USP35: variants seen among roughly 807,000 people sequenced by gnomAD.
USP35 encodes ubiquitin carboxyl-terminal hydrolase 35.
A neutral mutation model predicts 83.8 loss-of-function variants in USP35; 69 were observed. The observed-to-expected ratio is 0.82, with a 90% CI of 0.68 to 1.01. USP35 has a LOEUF of 1.01. USP35 is among the 50% of genes least tolerant of loss of function. The probability of loss-of-function intolerance (pLI) is 0.00; values close to 1 mark genes in which losing one functional copy is unlikely to be tolerated. For synonymous variants in USP35, 714 were observed against 589.5 expected (o/e 1.21, Z -3.06); for missense variants, 1,503 against 1,362.5 (o/e 1.10, Z -1.62).
rs1461272149 is a variant in USP35, at chr11:78,199,559, C to T, written c.807-36C>T. 3.1e-6 allele frequency: 5 copies of T among 1,613,710 alleles called. No homozygotes were observed. In the Admixed American group the frequency reaches 5.0e-5, roughly 16 times the overall value. ...GCCCTCACCCCAGCATTTTGGGTGT[C>T]CCTTGTCCCTGTGTCACTGTCACTC... On this transcript the variant is annotated intron_variant, in intron 3 of 10. Transcript: ENST00000529308.
chr11:78,227,791 C>A, the USP35 span, among the ~76,000 whole-genome samples: 1 of 152,042 alleles, frequency 6.6e-6, no homozygotes, highest in South Asian at 2.1e-4. Flanking sequence ...CAGAATGAGA[C>A]CCTGTTTCAA....
At chr11:78,223,120 T>A in the USP35 span, among the ~76,000 whole-genome samples, 7 of 151,746 alleles carry the variant, frequency 4.6e-5, no homozygotes. Context: ...GCCAGGAGAG[T>A]GAGATTGTAG....
At chr11:78,205,215 G>C (rs1246579225) in intron 6 of USP35, among the ~76,000 whole-genome samples, 1 of 152,220 alleles carries the variant, frequency 6.6e-6, no homozygotes, top group African/African-American at 2.4e-5. Flanking sequence ...TTCACCCACT[G>C]TCCTGACTGT....
rs1590896667 is a variant in USP35 at position 78,196,346 on chromosome 11, A to G, written c.101A>G (p.Glu34Gly). 6.3e-7 allele frequency: 1 copy of G among 1,579,490 alleles called. No homozygotes were observed. The highest frequency in any genetic ancestry group is 8.5e-7 in the Non-Finnish European group (1 of 1,170,864). Residue 34 changes from glutamate (E) to glycine (G), a missense_variant, in exon 2 of 11, where the codon GAG becomes GGG. Coordinates refer to ENST00000529308, the MANE Select transcript of USP35 (RefSeq NM_020798.4). This position sits in a 1 kb window ranked among gnomAD's most constrained non-coding sequence, Gnocchi z 4.8. ...RVLEAARQPL[E>G]REQCLALLAL... Reference sequence around the variant, plus strand: ...CTGGAGGCGGCGCGGCAGCCGCTGGAGCGTGAGCAGTGCCTGGCGCTGCTG... The same window carrying G: ...CTGGAGGCGGCGCGGCAGCCGCTGGGGCGTGAGCAGTGCCTGGCGCTGCTG...
chr11:78,223,607 C>G, the USP35 span: 5 of 1,613,626 alleles, frequency 3.1e-6, no homozygotes, highest in Non-Finnish European at 3.4e-6. Flanking sequence ...GTGGAAGAAC[C>G]TGGATTCATG....
Position 78,196,613 on chromosome 11 carries a change from T to G in USP35, c.368T>G (p.Leu123Arg). The change falls in exon 2 of 11, where the codon CTG (leucine) becomes CGG (arginine). Residue 123 changes from leucine (L) to arginine (R), a missense_variant. By Grantham distance (102) the Leu-to-Arg change is moderately radical. Coordinates refer to ENST00000529308, the MANE Select transcript of USP35 (RefSeq NM_020798.4). The surrounding 1 kb of genome is among the most constrained non-coding windows in gnomAD (Gnocchi z 4.8). ...EGPAADEVFA[L>R]LRREVLRTVC... ...CCTGCGGCCGACGAGGTGTTCGCGC[T>G]GCTGCGGCGCGAGGTGCTGCGCACC... 1 of 1,287,400 alleles carries G rather than the reference T, an allele frequency of 7.8e-7. No homozygotes were observed. Among genetic ancestry groups the G allele is most frequent in the Non-Finnish European group, 9.8e-7 (1 of 1,019,766 alleles). 79.7% of individuals were successfully genotyped at this position (1,287,400 alleles called of 1,614,324 possible).
chr11:78,194,988 T>A (rs1429213660), intron 1 of USP35, among the ~76,000 whole-genome samples: 1 of 152,094 alleles, frequency 6.6e-6, no homozygotes, highest in Non-Finnish European at 1.5e-5. Context: ...GAAGTGACTT[T>A]CAGCTGAGGT....
At chr11:78,192,246 T>C (rs1863027429) in intron 1 of USP35, among the ~76,000 whole-genome samples, 1 of 152,210 alleles carries the variant, frequency 6.6e-6, no homozygotes, top group Non-Finnish European at 1.5e-5. Context: ...TGCTGTTTGC[T>C]GCTGCGGTTG....
chr11:78,212,106 A>C (rs1037662973), intron 10 of USP35, among the ~76,000 whole-genome samples: 1 of 152,134 alleles, frequency 6.6e-6, no homozygotes, highest in Non-Finnish European at 1.5e-5. Flanking sequence ...CCATCGAGTG[A>C]ATTTTTTGTA....
At chr11:78,198,776 C>T in intron 3 of USP35, 1 of 847,614 alleles carries the variant, frequency 1.2e-6, no homozygotes. Context: ...CGACCTTGGA[C>T]AAGTTACTCA....
chr11:78,208,984 C>T (rs377248581), intron 9 of USP35, 21 bp downstream of exon 9: 123 of 1,611,252 alleles, frequency 7.6e-5, no homozygotes, highest in Non-Finnish European at 6.3e-5. Context: ...CAGGGCTACG[C>T]GAAGACTCCA....
the USP35 span, among the ~76,000 whole-genome samples, chr11:78,235,106 A>G: frequency 6.6e-6 from 1 of 152,036 alleles, no homozygotes; most frequent in African/African-American, 2.4e-5. Flanking sequence ...GCTCCTTGCT[A>G]CTTATGCAAA....
At chr11:78,233,366 A>G in the USP35 span, among the ~76,000 whole-genome samples, 1 of 152,182 alleles carries the variant, frequency 6.6e-6, no homozygotes, top group African/African-American at 2.4e-5. Flanking sequence ...CCCTTCCAGC[A>G]GAGGTAAAGC....
chr11:78,219,201 GA>G, downstream of USP35: 2 of 1,406,580 alleles, frequency 1.4e-6, no homozygotes, highest in Non-Finnish European at 2.0e-6. Flanking sequence ...AAGAACGGGA[GA>G]GGGGAGAGGG....
the USP35 span, among the ~76,000 whole-genome samples, chr11:78,228,572 T>C: frequency 1.3e-5 from 2 of 152,148 alleles, no homozygotes; most frequent in African/African-American, 4.8e-5. Flanking sequence ...GGCCACCAGA[T>C]GGTGTTAGAA....
chr11:78,205,578 T>C (rs1863505009), intron 6 of USP35, among the ~76,000 whole-genome samples: 1 of 152,232 alleles, frequency 6.6e-6, no homozygotes, highest in African/African-American at 2.4e-5. Context: ...GTCTGAATCT[T>C]CATTTTTTTT....
chr11:78,229,443 C>T, the USP35 span, among the ~76,000 whole-genome samples: 1 of 152,194 alleles, frequency 6.6e-6, no homozygotes, highest in Non-Finnish European at 1.5e-5. Flanking sequence ...AAGAGCATCA[C>T]AGGCACCCTG....
chr11:78,236,488 A>C, the USP35 span, among the ~76,000 whole-genome samples: 2 of 152,154 alleles, frequency 1.3e-5, no homozygotes, highest in African/African-American at 2.4e-5. Flanking sequence ...ACTGATGAGA[A>C]TCTCCAGTAC....
chr11:78,215,891 C>G (rs1039130971), downstream of USP35: 10 of 152,670 alleles, frequency 6.6e-5, 1 homozygote, highest in African/African-American at 2.4e-4. Context: ...CGAGATGTCC[C>G]CATGGGAGAA....
Sources: gnomAD v4.1 joint callset for allele counts (sites outside exome capture counted in the v4.1 genomes callset) on GRCh38, gnomAD v4.1.1 for gene constraint, Gnocchi (gnomAD v3.1) non-coding constraint, MANE v1.5 for transcripts, NCBI Gene and HGNC (gene_info 2026-07-23, HGNC 2026-07-21) for gene names.